The following LRRC7 variants were observed in gnomAD, a reference collection of about 807,000 sequenced individuals.
The protein encoded by LRRC7 is leucine rich repeat containing 7, also known as leucine-rich repeat-containing protein 7.
LRRC7 carries 23 observed loss-of-function variants against 175.7 expected under a neutral mutation model. The observed-to-expected ratio is 0.13, with a 90% CI of 0.09 to 0.19. The LOEUF (loss-of-function observed/expected upper bound fraction) is 0.19. LRRC7 is among the 10% of genes least tolerant of loss of function. LRRC7 has a pLI of 1.00. For missense variants in LRRC7, 1,354 were observed against 1,904.7 expected (o/e 0.71, Z 5.38); for synonymous variants, 685 against 680.9 (o/e 1.01, Z -0.09).
intron 26 of LRRC7, 86 bp from the exon 27 acceptor site, chr1:70,121,694 G>T: frequency 3.6e-6 from 3 of 839,064 alleles, no homozygotes; most frequent in South Asian, 3.7e-5. Flanking sequence ...TTGTTGCTCA[G>T]TGCTCCCGTG....
At chr1:69,795,480 T>C (rs1675631200) in intron 4 of LRRC7, among the ~76,000 whole-genome samples, 1 of 151,884 alleles carries the variant, frequency 6.6e-6, no homozygotes, top group South Asian at 2.1e-4. Flanking sequence ...AAAGAGTAGA[T>C]AGCAAAAAAT....
At position 69,887,945 on chromosome 1, in the gene LRRC7, G is replaced by C. The variant is rs893478620; in HGVS notation, c.648-43562G>C. 5.4e-4 allele frequency among the ~76,000 whole-genome samples: 78 copies of C among 143,336 alleles called. 1 individual carries two copies. Among genetic ancestry groups the C allele is most frequent in the African/African-American group, 2.0e-3 (75 of 37,704 alleles). The allele number at this position is 143,336 out of a possible 152,430, so 94.0% of individuals were successfully genotyped here. ...TAGGCTGCTCAGGGGTCAGGGGTCA[G>C]GGACCCACTTGAGGAGGCAGTCTGC... On this transcript the variant is annotated intron_variant, in intron 7 of 26. Coordinates refer to ENST00000651989, the MANE Select transcript of LRRC7 (RefSeq NM_001370785.2).
At chr1:70,037,974 T>A in intron 20 of LRRC7, 139 bp from the exon 21 acceptor site, 1 of 1,174,584 alleles carries the variant, frequency 8.5e-7, no homozygotes, top group Non-Finnish European at 1.2e-6. Flanking sequence ...GAAATAATAA[T>A]ACTATCTTAA....
chr1:69,799,407 A>G (rs1286307192), intron 4 of LRRC7, among the ~76,000 whole-genome samples: 1 of 151,930 alleles, frequency 6.6e-6, no homozygotes, highest in Non-Finnish European at 1.5e-5. Context: ...TCCACACTTT[A>G]TGTCCATGTG....
At chr1:70,016,409 G>A (rs1286235814) in intron 13 of LRRC7, 56 bp from the exon 14 acceptor site, 3 of 1,237,704 alleles carry the variant, frequency 2.4e-6, no homozygotes, top group Non-Finnish European at 2.2e-6. Flanking sequence ...ATAATTCTTA[G>A]AAATGAACTA....
intron 13 of LRRC7, among the ~76,000 whole-genome samples, chr1:70,015,266 A>G (rs907117263): frequency 6.6e-6 from 1 of 152,042 alleles, no homozygotes; most frequent in Non-Finnish European, 1.5e-5. Flanking sequence ...TTCTAAAGTT[A>G]TCTATATAAT....
rs1667802782 is a variant in LRRC7, at chr1:69,733,540, C to T, written c.101-26651C>T. On this transcript the variant is annotated intron_variant, in intron 2 of 26. Transcript: ENST00000651989. ...ATTCATCTTTGTTAGCTACAAGTGA[C>T]TGTCAATTTATTTTTTATTTTAGTT... 6.6e-5 allele frequency among the ~76,000 whole-genome samples: 10 copies of T among 152,162 alleles called. No homozygotes were observed. The South Asian group carries it at 2.1e-3, about 32-fold the overall frequency.
chr1:69,725,801 C>A (rs1666906319), intron 2 of LRRC7, among the ~76,000 whole-genome samples: 2 of 152,208 alleles, frequency 1.3e-5, no homozygotes. Context: ...CCTGTCCAGA[C>A]CTGTGCTGCT....
intron 8 of LRRC7, among the ~76,000 whole-genome samples, chr1:69,971,403 T>C (rs182229846): frequency 2.0e-5 from 3 of 152,284 alleles, no homozygotes; most frequent in African/African-American, 7.2e-5. Flanking sequence ...CTCCTAGAAC[T>C]GATAAAAGAA....
chr1:69,970,231 C>G (rs1442845322), intron 8 of LRRC7, among the ~76,000 whole-genome samples: 1 of 151,876 alleles, frequency 6.6e-6, no homozygotes, highest in East Asian at 1.9e-4. Context: ...ACTAGAGAAA[C>G]AAGAACAAAC....
intron 2 of LRRC7, among the ~76,000 whole-genome samples, chr1:69,683,158 AATC>A (rs1472770919): frequency 6.6e-6 from 1 of 152,136 alleles, no homozygotes; most frequent in African/African-American, 2.4e-5. Context: ...TGGTGCTGTT[AATC>A]ATCTAGATTC....
intron 8 of LRRC7, among the ~76,000 whole-genome samples, chr1:69,976,864 G>A (rs1192680612): frequency 2.9e-4 from 41 of 140,484 alleles, no homozygotes; most frequent in Non-Finnish European, 1.5e-4. Context: ...TTCTACTTCC[G>A]TGATACTTCT....
chr1:70,044,342 T>A (rs953659646), intron 22 of LRRC7, among the ~76,000 whole-genome samples: 1 of 152,136 alleles, frequency 6.6e-6, no homozygotes, highest in Non-Finnish European at 1.5e-5. Context: ...GTACATGGCT[T>A]TTTGTGTTGC....
intron 11 of LRRC7, among the ~76,000 whole-genome samples, chr1:70,008,627 T>A (rs1361871449): frequency 1.3e-5 from 2 of 152,228 alleles, no homozygotes; most frequent in Non-Finnish European, 2.9e-5. Context: ...GTCTATAGGC[T>A]GGATTAATGA....
chr1:69,959,449 G>T (rs1190905607), intron 8 of LRRC7, among the ~76,000 whole-genome samples: 1 of 152,090 alleles, frequency 6.6e-6, no homozygotes, highest in Non-Finnish European at 1.5e-5. Context: ...AGTATAGGAG[G>T]TGATGATCAG....
intron 3 of LRRC7, among the ~76,000 whole-genome samples, chr1:69,762,764 T>G (rs2100949395): frequency 6.6e-6 from 1 of 152,178 alleles, no homozygotes; most frequent in African/African-American, 2.4e-5. Context: ...GTCTGTTTGG[T>G]TAGTTAAAAT....
intron 18 of LRRC7, among the ~76,000 whole-genome samples, chr1:70,034,770 T>A (rs1268292322): frequency 6.6e-6 from 1 of 152,222 alleles, no homozygotes; most frequent in Admixed American, 6.5e-5. Flanking sequence ...GACTAAATGA[T>A]CTTTCCCTTT....
chr1:69,781,918 A>AAGAAAGAAAGAAAG (rs1557721144), intron 3 of LRRC7, among the ~76,000 whole-genome samples: 1 of 83,314 alleles, frequency 1.2e-5, no homozygotes, highest in Non-Finnish European at 2.3e-5. Flanking sequence ...AAAAAGAAGA[A>AAGAAAGAAAGAAAG]AGAAAGAAAG....
intron 3 of LRRC7, among the ~76,000 whole-genome samples, chr1:69,761,241 C>T (rs747280405): frequency 2.7e-5 from 4 of 149,130 alleles, no homozygotes; most frequent in East Asian, 1.9e-4. Context: ...GGGAAAAAAA[C>T]GTCATGCACT....
Sources: gnomAD v4.1 joint callset for allele counts (sites outside exome capture counted in the v4.1 genomes callset) on GRCh38, gnomAD v4.1.1 for gene constraint, MANE v1.5 for transcripts, NCBI Gene and HGNC (gene_info 2026-07-23, HGNC 2026-07-21) for gene names.